POT1: variants seen among roughly 807,000 people sequenced by gnomAD.
The protein encoded by POT1 is protection of telomeres protein 1.
POT1 carries 47 observed loss-of-function variants against 78.5 expected under a neutral mutation model. That is an observed-to-expected ratio of 0.60 (90% CI 0.47 to 0.76). The LOEUF is 0.76. Ranked by LOEUF, POT1 falls within the 30% of genes least tolerant of loss-of-function variation. The pLI is 0.00. For synonymous variants in POT1, 259 were observed against 260.7 expected (o/e 0.99, Z 0.06); for missense variants, 646 against 749.9 (o/e 0.86, Z 1.62).
intron 6 of POT1, among the ~76,000 whole-genome samples, chr7:124,888,548 G>A (rs1796298824): frequency 6.6e-6 from 1 of 151,964 alleles, no homozygotes; most frequent in Admixed American, 6.6e-5. Flanking sequence ...AGATGACTGA[G>A]TAGTATGACC....
At chr7:124,874,735 A>G (rs1795949271) in intron 6 of POT1, among the ~76,000 whole-genome samples, 1 of 147,142 alleles carries the variant, frequency 6.8e-6, no homozygotes, top group Admixed American at 6.8e-5. Context: ...ATCTGCCTCA[A>G]AAAAAAAAAA....
intron 6 of POT1, among the ~76,000 whole-genome samples, chr7:124,883,677 A>G (rs1796175771): frequency 6.6e-6 from 1 of 152,018 alleles, no homozygotes; most frequent in Non-Finnish European, 1.5e-5. Context: ...AGAAGCATGA[A>G]CCATAGATAT....
At chr7:124,856,017 G>T (rs1479937841) in intron 9 of POT1, among the ~76,000 whole-genome samples, 1 of 152,238 alleles carries the variant, frequency 6.6e-6, no homozygotes, top group Non-Finnish European at 1.5e-5. Context: ...CAAAAAGTGA[G>T]ATTCAGAAAA....
At chr7:124,860,464 A>C (rs970878051) in intron 8 of POT1, among the ~76,000 whole-genome samples, 2 of 152,174 alleles carry the variant, frequency 1.3e-5, no homozygotes, top group African/African-American at 4.8e-5. Context: ...ACTGTAAGAA[A>C]GATAAATATA....
At chr7:124,825,740 T>G (rs1358574347) in intron 17 of POT1, among the ~76,000 whole-genome samples, 1 of 152,104 alleles carries the variant, frequency 6.6e-6, no homozygotes, top group Non-Finnish European at 1.5e-5. Context: ...CCTACTATGT[T>G]ATAAGTTTCA....
intron 9 of POT1, 21 bp downstream of exon 9, chr7:124,858,935 AT>A: frequency 6.5e-7 from 1 of 1,543,916 alleles, no homozygotes; most frequent in Non-Finnish European, 8.8e-7. Context: ...ATAAAATAAC[AT>A]TTTTTCCTAC....
At chr7:124,913,686 A>G (rs1796946242) in intron 3 of POT1, among the ~76,000 whole-genome samples, 2 of 152,130 alleles carry the variant, frequency 1.3e-5, no homozygotes, top group Admixed American at 1.3e-4. Context: ...ATTCTTTTGT[A>G]TGTGGAAATC....
At chr7:124,860,142 G>GA (rs926110060) in intron 8 of POT1, among the ~76,000 whole-genome samples, 73 of 148,438 alleles carry the variant, frequency 4.9e-4, no homozygotes, top group East Asian at 1.4e-3. Flanking sequence ...TCACTGTCCG[G>GA]AAAAAAAAAA....
intron 16 of POT1, among the ~76,000 whole-genome samples, 166 bp from the exon 17 acceptor site, chr7:124,827,471 T>C (rs1794659434): frequency 6.6e-6 from 1 of 152,214 alleles, no homozygotes; most frequent in African/African-American, 2.4e-5. Flanking sequence ...AGTGTCAGAA[T>C]TGAACTGGAG....
At chr7:124,844,670 G>C (rs534998305) in intron 12 of POT1, among the ~76,000 whole-genome samples, 73 of 142,886 alleles carry the variant, frequency 5.1e-4, no homozygotes, top group Middle Eastern at 3.8e-3. Context: ...GGAAGGCAGA[G>C]CTTGCAGTGA....
At chr7:124,912,922 C>T (rs773100358) in intron 3 of POT1, among the ~76,000 whole-genome samples, 13 of 152,208 alleles carry the variant, frequency 8.5e-5, no homozygotes, top group African/African-American at 1.2e-4. Flanking sequence ...AAGACATACC[C>T]GACACTGGGC....
At chr7:124,852,594 C>T (rs1795337286) in intron 10 of POT1, among the ~76,000 whole-genome samples, 1 of 152,054 alleles carries the variant, frequency 6.6e-6, no homozygotes, top group Non-Finnish European at 1.5e-5. Flanking sequence ...AGTGGCACTT[C>T]AGAAATACAT....
Position 124,853,023 on chromosome 7 carries a change from C to A in POT1, c.818G>T (p.Arg273Leu), listed in dbSNP as rs587777476. 6.2e-7 allele frequency: 1 copy of A among 1,613,380 alleles called. No homozygotes were observed. The highest frequency in any genetic ancestry group is 8.5e-7 in the Non-Finnish European group (1 of 1,179,468). Residue 273 changes from arginine (R) to leucine (L), a missense_variant, in exon 10 of 19, where the codon CGG becomes CTG. By Grantham distance (102) the Arg-to-Leu change is moderately radical. Transcript: ENST00000357628. ...FHLHGGTSYG[R>L]GIRVLPESNS... ...ACTTTCTGGCAAGACCCTGATTCCC[C>A]GACCGTAACTGGTACCTCCATGAAG...
chr7:124,850,143 A>G (rs1795268139), intron 11 of POT1, among the ~76,000 whole-genome samples: 1 of 152,244 alleles, frequency 6.6e-6, no homozygotes, highest in Non-Finnish European at 1.5e-5. Context: ...CATCTGAACT[A>G]AATTGGTTTC....
At chr7:124,858,875 C>A (rs768321916) in intron 9 of POT1, 82 bp downstream of exon 9, 1 of 961,080 alleles carries the variant, frequency 1.0e-6, no homozygotes, top group Non-Finnish European at 1.5e-6. Flanking sequence ...ATACATGTAA[C>A]CATATATAAA....
intron 3 of POT1, among the ~76,000 whole-genome samples, chr7:124,911,852 G>GT (rs1796896234): frequency 6.6e-6 from 1 of 152,068 alleles, no homozygotes; most frequent in Non-Finnish European, 1.5e-5. Context: ...TACAAAAATG[G>GT]TACCATTTCT....
At chr7:124,868,679 G>A (rs1324160020) in intron 7 of POT1, among the ~76,000 whole-genome samples, 1 of 149,562 alleles carries the variant, frequency 6.7e-6, no homozygotes, top group Non-Finnish European at 1.5e-5. Context: ...TAATCCTAAG[G>A]AATTGGATTG....
At chr7:124,900,196 A>G (rs1796584950) in intron 3 of POT1, among the ~76,000 whole-genome samples, 1 of 152,182 alleles carries the variant, frequency 6.6e-6, no homozygotes, top group African/African-American at 2.4e-5. Context: ...TTATTTCCAC[A>G]TACTTCCCAT....
At chr7:124,831,550 T>C (rs536592095) in intron 15 of POT1, among the ~76,000 whole-genome samples, 2 of 152,312 alleles carry the variant, frequency 1.3e-5, no homozygotes, top group South Asian at 4.1e-4. Context: ...AAACTGTTTA[T>C]GACCCACTGA....
Sources: allele counts gnomAD v4.1 joint callset (sites outside exome capture counted in the v4.1 genomes callset), GRCh38; gene constraint gnomAD v4.1.1; transcripts MANE v1.5; gene names NCBI Gene and HGNC (gene_info 2026-07-23, HGNC 2026-07-21).